ATRN: variants seen among roughly 807,000 people sequenced by gnomAD.
ATRN encodes the protein attractin-2.
ATRN carries 54 observed loss-of-function variants against 178.7 expected under a neutral mutation model. The ratio of observed to expected loss-of-function variants is 0.30; its 90% confidence interval spans 0.24 to 0.38. The LOEUF is 0.38. Among genes scored for constraint, ATRN ranks in the 10% least tolerant of loss-of-function variants. ATRN has a pLI of 1.00. For synonymous variants in ATRN, 636 were observed against 663.0 expected, an observed-to-expected ratio of 0.96 and a Z score of 0.63; for missense variants, 1,443 against 1,815.1, an observed-to-expected ratio of 0.79 and a Z score of 3.73.
chr20:3,490,987 G>T lies in ATRN; in HGVS notation c.410+19470G>T, dbSNP rs1600020782. The T allele has an allele frequency of 3.1e-5, 48 of 1,531,492 alleles. No homozygotes were observed. In the East Asian group the frequency reaches 1.1e-3, roughly 34 times the overall value. The allele number at this position is 1,531,492 out of a possible 1,614,324, so 94.9% of individuals were successfully genotyped here. On this transcript the variant is annotated intron_variant, in intron 1 of 28. Coordinates refer to ENST00000262919, the MANE Select transcript of ATRN (RefSeq NM_139321.3). ...TTCTCCTCATGATAGCGCCGCTGCT[G>T]CTCCAGTATTGTCTCCATCTTCCTT...
At chr20:3,585,005 T>G (rs1023472242) in intron 18 of ATRN, 125 bp downstream of exon 18, 1 of 922,236 alleles carries the variant, frequency 1.1e-6, no homozygotes, top group African/African-American at 1.7e-5. Flanking sequence ...TCCTAATGGT[T>G]GGTACAAGAA....
At chr20:3,613,655 C>T (rs2086797352) in intron 24 of ATRN, among the ~76,000 whole-genome samples, 3 of 151,742 alleles carry the variant, frequency 2.0e-5, no homozygotes, top group Non-Finnish European at 4.4e-5. Context: ...CAGGCAAAGC[C>T]GTTTTGCCTT....
intron 1 of ATRN, among the ~76,000 whole-genome samples, chr20:3,504,374 A>G (rs757977187): frequency 1.3e-5 from 2 of 151,992 alleles, no homozygotes; most frequent in African/African-American, 2.4e-5. Context: ...ATATGGGTAC[A>G]TAAAATAATA....
chr20:3,591,707 A>G (rs2086445524), intron 19 of ATRN, among the ~76,000 whole-genome samples: 1 of 152,150 alleles, frequency 6.6e-6, no homozygotes, highest in Non-Finnish European at 1.5e-5. Flanking sequence ...GTATATGGAC[A>G]CTAAGGTTGT....
At chr20:3,607,871 G>A (rs1412487709) in intron 24 of ATRN, among the ~76,000 whole-genome samples, 2 of 151,928 alleles carry the variant, frequency 1.3e-5, no homozygotes, top group Non-Finnish European at 2.9e-5. Context: ...CTGTATCCTC[G>A]CCAGCATCTG....
chr20:3,593,262 CT>C (rs1185635413), intron 19 of ATRN, among the ~76,000 whole-genome samples: 1 of 152,134 alleles, frequency 6.6e-6, no homozygotes, highest in African/African-American at 2.4e-5. Context: ...TTTCAGAGTC[CT>C]AATCCACGGT....
At chr20:3,559,970 T>C (rs2085928504) in intron 7 of ATRN, among the ~76,000 whole-genome samples, 1 of 152,144 alleles carries the variant, frequency 6.6e-6, no homozygotes, top group South Asian at 2.1e-4. Context: ...TTTTCCCTTT[T>C]TTTATCCTTT....
intron 1 of ATRN, among the ~76,000 whole-genome samples, chr20:3,513,546 G>A (rs1373962459): frequency 6.6e-6 from 1 of 152,158 alleles, no homozygotes; most frequent in East Asian, 1.9e-4. Flanking sequence ...GTAGTGTGAT[G>A]CCTCCAGCTT....
At chr20:3,627,241 C>G (rs575774536) in intron 25 of ATRN, among the ~76,000 whole-genome samples, 1 of 152,128 alleles carries the variant, frequency 6.6e-6, no homozygotes, top group Non-Finnish European at 1.5e-5. Flanking sequence ...GAATCACTTG[C>G]GGAGCTTTTG....
At chr20:3,581,959 G>A (rs1338484267) in intron 15 of ATRN, among the ~76,000 whole-genome samples, 176 bp from the exon 16 acceptor site, 1 of 152,080 alleles carries the variant, frequency 6.6e-6, no homozygotes, top group Admixed American at 6.6e-5. Context: ...TTATATTCAG[G>A]CCAGGCATGG....
intron 6 of ATRN, among the ~76,000 whole-genome samples, chr20:3,557,887 A>T (rs984271429): frequency 1.3e-5 from 2 of 152,254 alleles, no homozygotes; most frequent in African/African-American, 4.8e-5. Flanking sequence ...ATATTCCAAA[A>T]ATATGTAAAA....
At chr20:3,554,439 C>T (rs1175452317) in intron 6 of ATRN, among the ~76,000 whole-genome samples, 1 of 151,782 alleles carries the variant, frequency 6.6e-6, no homozygotes, top group Non-Finnish European at 1.5e-5. Context: ...AGGTTCACAC[C>T]ATTCTCCTGC....
At chr20:3,546,523 C>T (rs1444665316) in intron 4 of ATRN, among the ~76,000 whole-genome samples, 2 of 150,426 alleles carry the variant, frequency 1.3e-5, no homozygotes, top group African/African-American at 4.9e-5. Flanking sequence ...TCTTGAGTAA[C>T]TGGGATTACA....
intron 6 of ATRN, among the ~76,000 whole-genome samples, chr20:3,551,080 C>G (rs1367773493): frequency 1.3e-5 from 2 of 152,230 alleles, no homozygotes; most frequent in Non-Finnish European, 2.9e-5. Context: ...TCACCTGATG[C>G]TGTGCAATTT....
At chr20:3,639,316 A>G (rs945536693) in intron 27 of ATRN, among the ~76,000 whole-genome samples, 1 of 152,106 alleles carries the variant, frequency 6.6e-6, no homozygotes, top group Admixed American at 6.6e-5. Flanking sequence ...GCGCAGTGGC[A>G]TGATCTCGGC....
At chr20:3,578,478 T>G in intron 14 of ATRN, 104 bp from the exon 15 acceptor site, 1 of 1,052,256 alleles carries the variant, frequency 9.5e-7, no homozygotes, top group Non-Finnish European at 1.3e-6. Context: ...ACCTAGAATT[T>G]AAATTAGAAA....
At chr20:3,528,572 A>AC (rs2085406732) in intron 1 of ATRN, among the ~76,000 whole-genome samples, 1 of 152,060 alleles carries the variant, frequency 6.6e-6, no homozygotes. Context: ...AGCAACAGAC[A>AC]CCGGGACCTG....
At chr20:3,481,403 C>CA (rs2084618817) in intron 1 of ATRN, among the ~76,000 whole-genome samples, 1 of 152,162 alleles carries the variant, frequency 6.6e-6, no homozygotes, top group Non-Finnish European at 1.5e-5. Context: ...TGCGGTGGTG[C>CA]AATCACTGCT....
At chr20:3,487,678 T>C (rs1208904747) in intron 1 of ATRN, among the ~76,000 whole-genome samples, 1 of 152,200 alleles carries the variant, frequency 6.6e-6, no homozygotes, top group Non-Finnish European at 1.5e-5. Context: ...TTGTGATTAC[T>C]TCTTCTAGAT....
Sources: gnomAD v4.1 joint callset for allele counts (sites outside exome capture counted in the v4.1 genomes callset) on GRCh38, gnomAD v4.1.1 for gene constraint, MANE v1.5 for transcripts, NCBI Gene and HGNC (gene_info 2026-07-23, HGNC 2026-07-21) for gene names.